RAP1GAP2: variants seen among roughly 807,000 people sequenced by gnomAD.
RAP1GAP2 encodes rap1 GTPase-activating protein 2.
A neutral mutation model predicts 95.0 loss-of-function variants in RAP1GAP2; 27 were observed. The observed-to-expected ratio is 0.28, with a 90% confidence interval of 0.21 to 0.39. The LOEUF is 0.39. RAP1GAP2 is among the 10% of genes least tolerant of loss of function. The pLI, the probability that RAP1GAP2 is intolerant of heterozygous loss-of-function variation, is 1.00. For synonymous variants in RAP1GAP2, 373 were observed against 380.9 expected (o/e 0.98, Z 0.24); for missense variants, 771 against 970.0 (o/e 0.79, Z 2.72).
upstream of RAP1GAP2, chr17:2,755,693 A>AGGGCAGGGAGCGGCCGGGCG (rs1390451108): frequency 1.9e-4 from 58 of 309,588 alleles, no homozygotes; most frequent in Non-Finnish European, 4.1e-5. Context: ...CGGCCCGCGG[A>AGGGCAGGGAGCGGCCGGGCG]GGGCAGGGAG....
chr17:2,862,577 AAAGT>A (rs1172210979), intron 2 of RAP1GAP2, among the ~76,000 whole-genome samples: 3 of 152,110 alleles, frequency 2.0e-5, no homozygotes, highest in Non-Finnish European at 4.4e-5. Context: ...GAATCCATAA[AAAGT>A]AAGTGAGGTA....
At position 2,997,922 on chromosome 17, in the gene RAP1GAP2, C is replaced by CAAA. The variant is rs1313908992; in HGVS notation, c.1045-285_1045-283dup. Reference sequence around the variant, plus strand: ...TGGGCAACACAGTGAGACCCTGTCTCAAAAAAAAAAAAAAAAGAAAAAAAA... The same window carrying CAAA: ...TGGGCAACACAGTGAGACCCTGTCTCAAAAAAAAAAAAAAAAAAAGAAAAAAAA... On this transcript the variant is annotated intron_variant, in intron 13 of 24. Coordinates refer to ENST00000254695, the MANE Select transcript of RAP1GAP2 (RefSeq NM_015085.5). 8.3e-4 allele frequency among the ~76,000 whole-genome samples: 56 copies of CAAA among 67,704 alleles called. 1 individual carries two copies. The highest frequency in any genetic ancestry group is 1.4e-3 in the East Asian group (4 of 2,872). 44.4% of individuals were successfully genotyped at this position (67,704 alleles called of 152,430 possible).
At chr17:2,926,604 C>T (rs761636569) in intron 3 of RAP1GAP2, among the ~76,000 whole-genome samples, 60 of 152,146 alleles carry the variant, frequency 3.9e-4, no homozygotes, top group Non-Finnish European at 7.9e-4. Context: ...TTCTTATGGC[C>T]GCTGTCACAA....
chr17:2,936,979 G>C (rs1478192329), intron 3 of RAP1GAP2, among the ~76,000 whole-genome samples: 6 of 152,196 alleles, frequency 3.9e-5, no homozygotes, highest in African/African-American at 1.4e-4. Context: ...TGTGTGCCAG[G>C]TGCTGGGATT....
chr17:2,774,479 CGTTT>C (rs2151438171), upstream of RAP1GAP2, among the ~76,000 whole-genome samples: 1 of 98,030 alleles, frequency 1.0e-5, no homozygotes, highest in Non-Finnish European at 1.8e-5. Context: ...CCCCTGCTAT[CGTTT>C]TTTTTTTTTT....
chr17:2,758,185 T>A (rs1002229432), intron 1 of RAP1GAP2, among the ~76,000 whole-genome samples: 2 of 135,980 alleles, frequency 1.5e-5, no homozygotes, highest in Non-Finnish European at 3.1e-5. Flanking sequence ...CCCCCCCTTT[T>A]TTTTTTTTAA....
At chr17:3,017,163 C>T (rs1392387853) in intron 17 of RAP1GAP2, among the ~76,000 whole-genome samples, 2 of 152,084 alleles carry the variant, frequency 1.3e-5, no homozygotes, top group East Asian at 1.9e-4. Context: ...TTGTGCCTTC[C>T]CGGGTCCATC....
intron 2 of RAP1GAP2, among the ~76,000 whole-genome samples, chr17:2,853,656 G>A (rs1199344095): frequency 1.7e-4 from 25 of 148,812 alleles, no homozygotes; most frequent in Admixed American, 1.5e-3. Flanking sequence ...GCCGGGGCGC[G>A]GGAGGCGGGG....
At chr17:2,875,554 A>G (rs2073057490) in intron 2 of RAP1GAP2, among the ~76,000 whole-genome samples, 1 of 152,188 alleles carries the variant, frequency 6.6e-6, no homozygotes, top group African/African-American at 2.4e-5. Context: ...AGTGGCTTCA[A>G]GAAGTGATTA....
intron 2 of RAP1GAP2, among the ~76,000 whole-genome samples, chr17:2,822,615 C>CTTTT (rs2070351019): frequency 6.9e-6 from 1 of 145,112 alleles, no homozygotes; most frequent in Non-Finnish European, 1.5e-5. Context: ...CAATAAAACC[C>CTTTT]TGTTTTTTTT....
chr17:2,786,818 G>A (rs774570743), intron 1 of RAP1GAP2, among the ~76,000 whole-genome samples: 1 of 150,670 alleles, frequency 6.6e-6, no homozygotes, highest in Non-Finnish European at 1.5e-5. Flanking sequence ...GCTAATTTTT[G>A]TAGTGTTTAG....
chr17:2,836,874 G>T (rs546599735), intron 2 of RAP1GAP2, among the ~76,000 whole-genome samples: 7 of 152,302 alleles, frequency 4.6e-5, no homozygotes. Flanking sequence ...TATAGCACCT[G>T]TAAAAATTTG....
chr17:2,998,809 C>T (rs1344989173), intron 14 of RAP1GAP2, among the ~76,000 whole-genome samples: 1 of 151,660 alleles, frequency 6.6e-6, no homozygotes, highest in African/African-American at 2.4e-5. Flanking sequence ...GCCATTTGCT[C>T]GCTGTGAGTG....
intron 2 of RAP1GAP2, among the ~76,000 whole-genome samples, chr17:2,872,036 C>T (rs537930693): frequency 4.0e-5 from 6 of 151,862 alleles, no homozygotes; most frequent in African/African-American, 1.4e-4. Flanking sequence ...CCAGACTAGC[C>T]AACATGGTCT....
intron 1 of RAP1GAP2, among the ~76,000 whole-genome samples, chr17:2,788,093 C>G (rs2151459349): frequency 6.6e-6 from 1 of 152,170 alleles, no homozygotes; most frequent in East Asian, 1.9e-4. Context: ...ATGAGTTAAC[C>G]TGTGCAATAA....
In RAP1GAP2 at chr17:2,857,777, G is replaced by T. The variant is rs1417548348; in HGVS notation, c.81-47507G>T. Among the ~76,000 whole-genome samples the T allele has an allele frequency of 1.3e-5, 2 of 152,192 alleles. No homozygotes were observed. The highest frequency in any genetic ancestry group is 3.9e-4 in the East Asian group (2 of 5,190). ...GGAAAACAGGCAGCTTTGCTGGGAA[G>T]GACGGAGGCCGAGGAACACGATCAA... On this transcript the variant is annotated intron_variant, in intron 2 of 24. Transcript: ENST00000254695. This position sits in a 1 kb window ranked among gnomAD's most constrained non-coding sequence, Gnocchi z 4.0.
intron 4 of RAP1GAP2, among the ~76,000 whole-genome samples, chr17:2,959,319 G>A (rs190467514): frequency 1.8e-4 from 27 of 152,114 alleles, no homozygotes; most frequent in Non-Finnish European, 2.8e-4. Context: ...CATGTAGATC[G>A]GGTGCTTTCT....
chr17:2,772,892 C>T (rs1446246061), upstream of RAP1GAP2, among the ~76,000 whole-genome samples: 4 of 95,072 alleles, frequency 4.2e-5, no homozygotes, highest in Non-Finnish European at 6.0e-5. Flanking sequence ...GAGTTTTGCT[C>T]TTGTTGCCCA....
intron 4 of RAP1GAP2, 94 bp downstream of exon 4, chr17:2,957,888 G>T: frequency 7.7e-7 from 1 of 1,301,162 alleles, no homozygotes; most frequent in East Asian, 2.7e-5. Context: ...GAAGCCGGGT[G>T]CCCTGGACGG....
Sources: gnomAD v4.1 joint callset for allele counts (sites outside exome capture counted in the v4.1 genomes callset) on GRCh38, gnomAD v4.1.1 for gene constraint, Gnocchi (gnomAD v3.1) non-coding constraint, MANE v1.5 for transcripts, NCBI Gene and HGNC (gene_info 2026-07-23, HGNC 2026-07-21) for gene names.